Variants in SRGAP3 observed in about 807,000 individuals in gnomAD.
The protein encoded by SRGAP3 is SLIT-ROBO Rho GTPase activating protein 3, also known as SLIT-ROBO Rho GTPase-activating protein 3.
In SRGAP3, 39 loss-of-function variants were observed where a neutral mutation model predicts 121.1. That is an observed-to-expected ratio of 0.32 (90% confidence interval 0.25 to 0.42). The LOEUF is 0.42. Among genes scored for constraint, SRGAP3 ranks in the 10% least tolerant of loss-of-function variants. SRGAP3 has a pLI of 1.00. For synonymous variants in SRGAP3, 601 were observed against 570.0 expected (o/e 1.05, Z -0.77); for missense variants, 1,213 against 1,470.6 (o/e 0.82, Z 2.86).
At chr3:9,328,130 C>T (rs968412106) in intron 2 of SRGAP3, among the ~76,000 whole-genome samples, 1 of 152,136 alleles carries the variant, frequency 6.6e-6, no homozygotes, top group African/African-American at 2.4e-5. Flanking sequence ...ATCTTTAAAG[C>T]TGTTTTTATT....
intron 1 of SRGAP3, among the ~76,000 whole-genome samples, chr3:9,156,717 T>C (rs1950428628): frequency 6.6e-6 from 1 of 152,172 alleles, no homozygotes; most frequent in Non-Finnish European, 1.5e-5. Context: ...ACTAAAGCAT[T>C]GAGGCTTTGG....
At chr3:9,357,134 G>T (rs965012626) in intron 1 of SRGAP3, among the ~76,000 whole-genome samples, 2 of 151,944 alleles carry the variant, frequency 1.3e-5, no homozygotes, top group African/African-American at 4.8e-5. Context: ...ATGGTGGTGT[G>T]AGCCAGAGGC....
At chr3:9,270,192 G>C (rs1954445061) in intron 3 of SRGAP3, among the ~76,000 whole-genome samples, 1 of 152,118 alleles carries the variant, frequency 6.6e-6, no homozygotes. Flanking sequence ...TTGTTTTGAA[G>C]GCTGCATAAT....
At chr3:9,031,389 C>T (rs1944473684) in intron 12 of SRGAP3, among the ~76,000 whole-genome samples, 1 of 152,268 alleles carries the variant, frequency 6.6e-6, no homozygotes, top group Admixed American at 6.5e-5. Context: ...CTCTGGGTCA[C>T]CTCCTGATCT....
chr3:9,051,292 G>A (rs1451287126), intron 9 of SRGAP3, among the ~76,000 whole-genome samples: 2 of 152,126 alleles, frequency 1.3e-5, no homozygotes, highest in Admixed American at 6.5e-5. Context: ...TTTTAGGCAT[G>A]AGCCATGGCA....
chr3:9,359,720 G>A (rs1194622523), intron 1 of SRGAP3, among the ~76,000 whole-genome samples: 1 of 152,204 alleles, frequency 6.6e-6, no homozygotes, highest in Non-Finnish European at 1.5e-5. Context: ...TCTGTTTACT[G>A]CAAAATGGGC....
chr3:9,362,323 C>T (rs2030920202), intron 1 of SRGAP3, among the ~76,000 whole-genome samples: 1 of 151,226 alleles, frequency 6.6e-6, no homozygotes, highest in Non-Finnish European at 1.5e-5. Context: ...GCCACCACAT[C>T]CAGCTAACTT....
intron 1 of SRGAP3, among the ~76,000 whole-genome samples, chr3:9,145,072 T>C (rs1382671705): frequency 2.6e-5 from 4 of 152,198 alleles, no homozygotes. Context: ...TCAGGGATAC[T>C]TTCCTTTCTC....
intron 1 of SRGAP3, among the ~76,000 whole-genome samples, chr3:9,224,379 G>A (rs1417399748): frequency 6.6e-6 from 1 of 152,200 alleles, no homozygotes; most frequent in Non-Finnish European, 1.5e-5. Flanking sequence ...AGATGGACGT[G>A]TGGGAACACC....
At chr3:9,325,416 C>T (rs1263675269) in intron 3 of SRGAP3, among the ~76,000 whole-genome samples, 1 of 151,898 alleles carries the variant, frequency 6.6e-6, no homozygotes, top group Non-Finnish European at 1.5e-5. Flanking sequence ...TGTATTTCTC[C>T]ATAGGCCACA....
intron 1 of SRGAP3, among the ~76,000 whole-genome samples, chr3:9,165,818 T>G (rs1166118030): frequency 6.6e-6 from 1 of 152,182 alleles, no homozygotes; most frequent in Non-Finnish European, 1.5e-5. Context: ...CTATCACCAT[T>G]TGTCCTTCCT....
chr3:9,186,967 AT>A (rs990340395), intron 1 of SRGAP3, among the ~76,000 whole-genome samples: 15 of 152,002 alleles, frequency 9.9e-5, no homozygotes, highest in African/African-American at 3.4e-4. Flanking sequence ...TGTTTTTAAA[AT>A]TTTTTTTATT....
chr3:9,222,855 C>A (rs754110659), intron 1 of SRGAP3, among the ~76,000 whole-genome samples: 1 of 152,198 alleles, frequency 6.6e-6, no homozygotes, highest in Non-Finnish European at 1.5e-5. Flanking sequence ...TTCTTGTACT[C>A]CAAAAGAGAA....
At chr3:9,048,273 C>A (rs532323375) in intron 9 of SRGAP3, among the ~76,000 whole-genome samples, 29 of 152,228 alleles carry the variant, frequency 1.9e-4, no homozygotes, top group Non-Finnish European at 3.2e-4. Context: ...CAGCTTCCCC[C>A]ACCTGCACTG....
At chr3:9,348,717 G>T in intron 1 of SRGAP3, 1 of 1,237,382 alleles carries the variant, frequency 8.1e-7, no homozygotes, top group South Asian at 1.2e-5. Flanking sequence ...CAGCACTCTG[G>T]GGGTCTGATC....
chr3:9,149,987 A>AC (rs1243554469), intron 1 of SRGAP3, among the ~76,000 whole-genome samples: 1 of 152,100 alleles, frequency 6.6e-6, no homozygotes, highest in Non-Finnish European at 1.5e-5. Flanking sequence ...TGCTGGGGAA[A>AC]CAGTGGTGGG....
At chr3:9,164,463 T>C (rs2668362) in intron 1 of SRGAP3, among the ~76,000 whole-genome samples, 44,292 of 151,692 alleles carry the variant, frequency 0.29, 7,631 homozygotes, top group Non-Finnish European at 0.4. Context: ...CTAATTTTTG[T>C]ACTTTTGGGA....
intron 1 of SRGAP3, among the ~76,000 whole-genome samples, chr3:9,126,637 CTAACTAACTAAA>C (rs970767218): frequency 4.8e-5 from 7 of 144,668 alleles, no homozygotes; most frequent in Middle Eastern, 3.2e-3. Context: ...AACTAACTAA[CTAACTAACTAAA>C]TAAATAAATA....
At chr3:9,034,887 T>C (rs904407975) in intron 11 of SRGAP3, 2 of 152,222 alleles carry the variant, frequency 1.3e-5, no homozygotes, top group African/African-American at 4.8e-5. Context: ...AGCAACATTG[T>C]CACCCTGTTT....
Sources: allele counts gnomAD v4.1 joint callset (sites outside exome capture counted in the v4.1 genomes callset), GRCh38; gene constraint gnomAD v4.1.1; transcripts MANE v1.5; gene names NCBI Gene and HGNC (gene_info 2026-07-23, HGNC 2026-07-21).